Variants in NRXN2 observed in about 807,000 individuals in gnomAD.
NRXN2 encodes neurexin 2.
NRXN2 carries 29 observed loss-of-function variants against 128.8 expected under a neutral mutation model. That is an observed-to-expected ratio of 0.23 (90% CI 0.17 to 0.31). NRXN2 has a LOEUF of 0.31. NRXN2 is among the 10% of genes least tolerant of loss of function. The pLI is 1.00. For missense variants in NRXN2, 1,881 were observed against 2,452.6 expected (o/e 0.77, Z 4.92); for synonymous variants, 1,098 against 1,075.2 (o/e 1.02, Z -0.41).
Position 64,652,032 on chromosome 11 carries a change from T to C in NRXN2, c.2536+3A>G. On this transcript the variant is annotated splice_donor_region_variant and intron_variant, in intron 13 of 22. Coordinates refer to ENST00000265459, the MANE Select transcript of NRXN2 (RefSeq NM_015080.4). ...TCCACCTCCCTGGGCCCAGACCACC[T>C]ACCCTCCACAGTCACGTTGTCCACA... 1.9e-6 allele frequency: 3 copies of C among 1,611,504 alleles called. No homozygotes were observed. Among genetic ancestry groups the C allele is most frequent in the Non-Finnish European group, 1.7e-6 (2 of 1,179,946 alleles).
chr11:64,682,134 G>T (rs1052109831), intron 6 of NRXN2, among the ~76,000 whole-genome samples: 8 of 151,502 alleles, frequency 5.3e-5, no homozygotes, highest in Admixed American at 1.3e-4. Flanking sequence ...CATTCTTGGG[G>T]ATTCCATCTT....
intron 11 of NRXN2, among the ~76,000 whole-genome samples, chr11:64,659,868 A>G (rs2048776532): frequency 6.6e-6 from 1 of 152,192 alleles, no homozygotes; most frequent in South Asian, 2.1e-4. Flanking sequence ...AGTGGGGGGC[A>G]GCTGCGTGCA....
chr11:64,606,793 G>T lies in NRXN2; in HGVS notation c.*403C>A, dbSNP rs905998138. On this transcript the variant is annotated 3_prime_UTR_variant, in exon 23 of 23. Transcript: ENST00000265459. ...AGGGCTTGGGAAGAGAAGGAAGGCA[G>T]GAGGGACAGAAGGAAGAAGAAGAAA... is the stretch of plus-strand genomic sequence containing the variant. The T allele has an allele frequency of 1.5e-5, 3 of 196,328 alleles. No individual in the cohort carries two copies. The highest frequency in any genetic ancestry group is 4.6e-5 in the African/African-American group (2 of 43,032). 12.2% of individuals were successfully genotyped at this position (196,328 alleles called of 1,614,324 possible).
In NRXN2 at chr11:64,625,079, T is replaced by C. The variant is rs953635892; in HGVS notation, c.3847+1384A>G. ...CACACTTCGGGCACTACCTCTCTAA[T>C]CCAATTGGTTATTTTCTAGAAGAGG... On this transcript the variant is annotated intron_variant, in intron 20 of 22. Transcript: ENST00000265459. Among the ~76,000 whole-genome samples the C allele has an allele frequency of 2.8e-4, 42 of 152,184 alleles. 1 individual carries two copies. Among genetic ancestry groups the C allele is most frequent in the African/African-American group, 9.7e-4 (40 of 41,438 alleles).
Position 64,648,204 on chromosome 11 carries a change from C to T in NRXN2, c.3403+15G>A, listed in dbSNP as rs2046984367. The T allele has an allele frequency of 3.1e-6, 5 of 1,614,030 alleles. No homozygotes were observed. Among genetic ancestry groups the T allele is most frequent in the Non-Finnish European group, 4.2e-6 (5 of 1,180,022 alleles). On this transcript the variant is annotated intron_variant, in intron 17 of 22. Transcript: ENST00000265459. The surrounding 1 kb of genome is among the most constrained non-coding windows in gnomAD (Gnocchi z 4.1). ...TGGTCTCCCCAAACTGCCCCCAGCCCTCCCAGGCACTCACGATCATTGCAG... is the reference window on the plus strand; with the variant it reads ...TGGTCTCCCCAAACTGCCCCCAGCCTTCCCAGGCACTCACGATCATTGCAG...
intron 5 of NRXN2, 64 bp downstream of exon 5, chr11:64,690,341 G>C: frequency 6.7e-7 from 1 of 1,483,310 alleles, no homozygotes; most frequent in Non-Finnish European, 9.3e-7. Flanking sequence ...TTCCCCCCAG[G>C]AAGCACAGTT....
chr11:64,709,831 C>G (rs1213048936), intron 2 of NRXN2, among the ~76,000 whole-genome samples: 3 of 151,910 alleles, frequency 2.0e-5, no homozygotes, highest in Non-Finnish European at 4.4e-5. Flanking sequence ...ACATCACACA[C>G]ACTCCACATA....
intron 15 of NRXN2, among the ~76,000 whole-genome samples, chr11:64,649,976 G>A (rs1426758331): frequency 6.6e-6 from 1 of 152,014 alleles, no homozygotes; most frequent in Non-Finnish European, 1.5e-5. Context: ...CACCAGGGAA[G>A]CCTAGGTCCA....
intron 1 of NRXN2, among the ~76,000 whole-genome samples, 158 bp downstream of exon 1, chr11:64,722,813 C>A (rs1180413740): frequency 1.3e-5 from 2 of 150,246 alleles, no homozygotes; most frequent in Non-Finnish European, 3.0e-5. Context: ...AGCGGCTTTG[C>A]CTCCTCGCTG....
In NRXN2 at chr11:64,685,858, T is replaced by A. The variant is rs773236162; in HGVS notation, c.940A>T (p.Ile314Phe). 1 of 1,614,056 alleles carries A rather than the reference T, an allele frequency of 6.2e-7. No individual in the cohort carries two copies. The part of the protein sequence containing the change: ...HNPIQSSTDE[I>F]TLAFRTLQRN... Reference sequence around the variant, plus strand: ...TGCAGGGTGCGGAAGGCCAGTGTGATCTCATCAGTGCTGCTCTGGATGGGG... The same window carrying A: ...TGCAGGGTGCGGAAGGCCAGTGTGAACTCATCAGTGCTGCTCTGGATGGGG... The change falls in exon 6 of 23, where the codon ATC becomes TTC. Residue 314 changes from isoleucine (I) to phenylalanine (F), a missense_variant. Coordinates refer to ENST00000265459, the MANE Select transcript of NRXN2 (RefSeq NM_015080.4).
chr11:64,680,661 T>C (rs1464419601), intron 6 of NRXN2, among the ~76,000 whole-genome samples: 2 of 152,098 alleles, frequency 1.3e-5, no homozygotes, highest in Non-Finnish European at 2.9e-5. Context: ...TTAGGTGAGA[T>C]AGTAAAGAGA....
At chr11:64,699,496 T>C (rs1366295749) in intron 2 of NRXN2, among the ~76,000 whole-genome samples, 2 of 130,082 alleles carry the variant, frequency 1.5e-5, no homozygotes, top group East Asian at 2.6e-4. Context: ...AATGGTGCGA[T>C]CTCAGCTCAC....
chr11:64,623,427 C>T lies in NRXN2; in HGVS notation c.3848-349G>A, dbSNP rs2042656254. On this transcript the variant is annotated intron_variant, in intron 20 of 22. Coordinates refer to ENST00000265459, the MANE Select transcript of NRXN2 (RefSeq NM_015080.4). This position sits in a 1 kb window ranked among gnomAD's most constrained non-coding sequence, Gnocchi z 4.9. The stretch of plus-strand genomic sequence containing the variant: ...TCCAAGGTCATCTCCCCTCTTCATC[C>T]TCTTCCCTCAGTCCATCCCCATCTT... 5.6e-6 allele frequency: 2 copies of T among 358,126 alleles called. No homozygotes were observed. The highest frequency in any genetic ancestry group is 1.2e-4 in the East Asian group (2 of 16,650). 22.2% of individuals were successfully genotyped at this position (358,126 alleles called of 1,614,324 possible).
chr11:64,636,279 CCTT>C (rs1035389701), intron 17 of NRXN2, among the ~76,000 whole-genome samples: 59 of 152,142 alleles, frequency 3.9e-4, no homozygotes, highest in Middle Eastern at 3.4e-3. Flanking sequence ...CTCCCCTTCT[CCTT>C]CTCTTCTTCG....
At chr11:64,656,006 A>T (rs1487007375) in intron 11 of NRXN2, 2 of 152,270 alleles carry the variant, frequency 1.3e-5, no homozygotes, top group Non-Finnish European at 2.9e-5. Flanking sequence ...TAGTATGAAC[A>T]CGTGTTGGGG....
intron 1 of NRXN2, among the ~76,000 whole-genome samples, chr11:64,720,983 GCTGGGGGCT>G (rs1217342633): frequency 6.6e-6 from 1 of 152,118 alleles, no homozygotes; most frequent in African/African-American, 2.4e-5. Context: ...GCAGTGCTGC[GCTGGGGGCT>G]CTGGGGGCAC....
At chr11:64,640,412 TTATC>T (rs1393822125) in intron 17 of NRXN2, among the ~76,000 whole-genome samples, 1 of 152,142 alleles carries the variant, frequency 6.6e-6, no homozygotes, top group African/African-American at 2.4e-5. Context: ...CTGACTTCCT[TTATC>T]TATCTGACTC....
rs199706611 is a variant in NRXN2 at position 64,653,740 on chromosome 11, C to A, written c.2390-18G>T. On this transcript the variant is annotated intron_variant, in intron 11 of 22. Coordinates refer to ENST00000265459, the MANE Select transcript of NRXN2 (RefSeq NM_015080.4). ...CAGGCAGTCTGGGGGGGCCATGGGGCGGGCAGAGGGGAAGGGGAGACAAAA... is the reference window on the plus strand; with the variant it reads ...CAGGCAGTCTGGGGGGGCCATGGGGAGGGCAGAGGGGAAGGGGAGACAAAA... The A allele has an allele frequency of 6.8e-6, 10 of 1,481,332 alleles. No homozygotes were observed. The highest frequency in any genetic ancestry group is 8.4e-6 in the Non-Finnish European group (9 of 1,077,076). The allele number at this position is 1,481,332 out of a possible 1,614,324, so 91.8% of individuals were successfully genotyped here. A position where few individuals can be genotyped will look rare whatever the true frequency, so the allele number is the denominator to read the frequency against.
At chr11:64,642,156 C>A (rs1229703925) in intron 17 of NRXN2, among the ~76,000 whole-genome samples, 2 of 150,984 alleles carry the variant, frequency 1.3e-5, no homozygotes, top group African/African-American at 4.9e-5. Context: ...TGATAAGGGG[C>A]CGAGATGGAG....
Sources: allele counts gnomAD v4.1 joint callset (sites outside exome capture counted in the v4.1 genomes callset), GRCh38; gene constraint gnomAD v4.1.1; non-coding constraint Gnocchi (gnomAD v3.1); transcripts MANE v1.5; gene names NCBI Gene and HGNC (gene_info 2026-07-23, HGNC 2026-07-21).